The following PARD3 variants were observed in gnomAD, a reference collection of about 807,000 sequenced individuals.
PARD3 encodes par-3 family cell polarity regulator, also known as partitioning defective 3 homolog.
Under a neutral mutation model 155.4 loss-of-function variants are expected in PARD3, and 75 were observed. That is an observed-to-expected ratio of 0.48 (90% CI 0.40 to 0.58). The LOEUF (loss-of-function observed/expected upper bound fraction) is 0.58. PARD3 is among the 20% of genes least tolerant of loss of function. PARD3 has a pLI of 0.00. For missense variants in PARD3, 1,642 were observed against 1,721.7 expected (o/e 0.95, Z 0.82); for synonymous variants, 576 against 610.5 (o/e 0.94, Z 0.83).
At chr10:34,780,765 C>T (rs1840146225) in intron 1 of PARD3, among the ~76,000 whole-genome samples, 1 of 152,164 alleles carries the variant, frequency 6.6e-6, no homozygotes, top group Non-Finnish European at 1.5e-5. Context: ...CTGTTATTTT[C>T]CTATTCTGTT....
At position 34,159,698 on chromosome 10, in the gene PARD3, A is replaced by G. The variant is rs546494545; in HGVS notation, c.3420-28115T>C. On this transcript the variant is annotated intron_variant, in intron 22 of 24. Coordinates refer to ENST00000374788, the MANE Select transcript of PARD3 (RefSeq NM_001184785.2). ...TACAACAAACAAAGCTAATGTAGCT[A>G]TTTAGCACTTTCTATACATGAGGCT... Among the ~76,000 whole-genome samples the G allele has an allele frequency of 9.8e-5, 15 of 152,362 alleles. No individual in the cohort carries two copies. In the South Asian group the frequency reaches 3.1e-3, roughly 32 times the overall value.
At chr10:34,192,609 C>A (rs931263575) in intron 22 of PARD3, among the ~76,000 whole-genome samples, 5 of 152,208 alleles carry the variant, frequency 3.3e-5, no homozygotes, top group Non-Finnish European at 5.9e-5. Flanking sequence ...CTGTCCCTGG[C>A]ACAGCTGGAG....
intron 23 of PARD3, among the ~76,000 whole-genome samples, chr10:34,130,724 G>A (rs1008613646): frequency 2.0e-5 from 3 of 152,090 alleles, no homozygotes; most frequent in African/African-American, 7.2e-5. Flanking sequence ...GGAATAAGAT[G>A]GATTCAACAA....
chr10:34,432,337 T>TAC (rs71917947), intron 5 of PARD3, among the ~76,000 whole-genome samples: 7,321 of 143,398 alleles, frequency 0.051, 208 homozygotes, highest in African/African-American at 0.078. Context: ...CACGTGCACA[T>TAC]ACACACACAC....
chr10:34,451,529 A>G (rs903949138), intron 4 of PARD3, among the ~76,000 whole-genome samples: 1 of 152,164 alleles, frequency 6.6e-6, no homozygotes, highest in Non-Finnish European at 1.5e-5. Context: ...GCAATGTATA[A>G]AACTTAGTTA....
intron 4 of PARD3, among the ~76,000 whole-genome samples, chr10:34,453,271 GA>G (rs1484346117): frequency 6.6e-6 from 1 of 152,178 alleles, no homozygotes; most frequent in Non-Finnish European, 1.5e-5. Flanking sequence ...TATTTTCTAA[GA>G]AGCATTCCCT....
chr10:34,465,496 T>G (rs1478046665), intron 4 of PARD3, among the ~76,000 whole-genome samples: 1 of 152,180 alleles, frequency 6.6e-6, no homozygotes, highest in Admixed American at 6.5e-5. Flanking sequence ...ATTGGAAAGA[T>G]AGCAAACATG....
chr10:34,791,056 G>A (rs1841558895), intron 1 of PARD3, among the ~76,000 whole-genome samples: 1 of 152,150 alleles, frequency 6.6e-6, no homozygotes, highest in Admixed American at 6.5e-5. Flanking sequence ...GACAAGTGCA[G>A]CCCAACTGTA....
chr10:34,562,771 T>A (rs78087967), intron 2 of PARD3, among the ~76,000 whole-genome samples: 5 of 152,080 alleles, frequency 3.3e-5, no homozygotes, highest in South Asian at 4.1e-4. Flanking sequence ...TTTTTTTTTT[T>A]AATTCTAAGT....
chr10:34,647,578 T>C (rs1324130370), intron 2 of PARD3, among the ~76,000 whole-genome samples: 1 of 152,242 alleles, frequency 6.6e-6, no homozygotes, highest in East Asian at 1.9e-4. Context: ...TTCTAGTTTT[T>C]CTCTTTTAAG....
At chr10:34,683,469 G>C (rs1487982019) in intron 2 of PARD3, among the ~76,000 whole-genome samples, 2 of 151,002 alleles carry the variant, frequency 1.3e-5, no homozygotes, top group Non-Finnish European at 2.9e-5. Flanking sequence ...TGAGGTAAGA[G>C]AAGTCAAGTA....
At chr10:34,414,888 C>T (rs1374556225) in intron 5 of PARD3, among the ~76,000 whole-genome samples, 2 of 151,916 alleles carry the variant, frequency 1.3e-5, no homozygotes, top group African/African-American at 4.8e-5. Context: ...CTGAAAAGAC[C>T]TCCCAAGTGC....
rs1163917210 is a variant in PARD3 at position 34,341,832 on chromosome 10, A to C, written c.2219-16T>G. The C allele has an allele frequency of 1.3e-6, 2 of 1,517,852 alleles. No homozygotes were observed. The highest frequency in any genetic ancestry group is 1.8e-6 in the Non-Finnish European group (2 of 1,112,216). The allele number at this position is 1,517,852 out of a possible 1,614,324, so 94.0% of individuals were successfully genotyped here. On this transcript the variant is annotated splice_polypyrimidine_tract_variant and intron_variant, in intron 15 of 24. Coordinates refer to ENST00000374788, the MANE Select transcript of PARD3 (RefSeq NM_001184785.2). ...TGGTATTTACCTGTCCAGTGAAAAA[A>C]GAAGAAGAGAAAATTCTAGACATCG...
intron 1 of PARD3, among the ~76,000 whole-genome samples, chr10:34,768,380 C>G (rs567329043): frequency 1.3e-5 from 2 of 151,728 alleles, no homozygotes; most frequent in Non-Finnish European, 2.9e-5. Flanking sequence ...CGGGACAACT[C>G]GAAGCAAAGG....
intron 3 of PARD3, among the ~76,000 whole-genome samples, chr10:34,508,799 G>A (rs1564791944): frequency 6.6e-6 from 1 of 152,256 alleles, no homozygotes; most frequent in South Asian, 2.1e-4. Context: ...GCTGAGTAAC[G>A]TCTCAACCTC....
rs1231110054 is a variant in PARD3, at chr10:34,382,725, G to A, written c.1214C>T (p.Ala405Val). 2 of 1,614,178 alleles carry A rather than the reference G, an allele frequency of 1.2e-6. No homozygotes were observed. The highest frequency in any genetic ancestry group is 1.1e-5 in the South Asian group (1 of 91,078). ...CTCAGGCGGGTGGTTCAGTCGGGGTGCTCTCTGCACCGTGTGAAGCCCTGC... is the reference window on the plus strand; with the variant it reads ...CTCAGGCGGGTGGTTCAGTCGGGGTACTCTCTGCACCGTGTGAAGCCCTGC... ...NSAGLHTVQR[A>V]PRLNHPPEQI... The change falls in exon 9 of 25, where the codon GCA becomes GTA. Residue 405 changes from alanine to valine, a missense_variant. This residue lies in a region of PARD3 where 1,529 missense variants were observed against 1,587.3 expected (regional missense o/e 0.96). Transcript: ENST00000374788.
chr10:34,407,360 C>T (rs1458717314), intron 5 of PARD3, among the ~76,000 whole-genome samples: 1 of 152,096 alleles, frequency 6.6e-6, no homozygotes, highest in South Asian at 2.1e-4. Flanking sequence ...AGTGTGCACC[C>T]AGCAGTCCTC....
Position 34,238,956 on chromosome 10 carries a change from CT to C in PARD3, c.3419+30700del, listed in dbSNP as rs199906700. ...TAACACTGACATATTTTATTTTAAA[CT>C]TTTTTTTCTTCCTCATGCCACCAGT... On this transcript the variant is annotated intron_variant, in intron 22 of 24. Coordinates refer to ENST00000374788, the MANE Select transcript of PARD3 (RefSeq NM_001184785.2). 7.3e-3 allele frequency among the ~76,000 whole-genome samples: 1,112 copies of C among 152,152 alleles called. 13 individuals carry two copies. Among genetic ancestry groups the C allele is most frequent in the African/African-American group, 0.025 (1,021 of 41,514 alleles).
chr10:34,536,880 A>C (rs1368863048), intron 2 of PARD3, among the ~76,000 whole-genome samples: 1 of 152,246 alleles, frequency 6.6e-6, no homozygotes, highest in Non-Finnish European at 1.5e-5. Flanking sequence ...ATTCATGACC[A>C]AAAGACTGAA....
Sources: gnomAD v4.1 joint callset for allele counts (sites outside exome capture counted in the v4.1 genomes callset) on GRCh38, gnomAD v4.1.1 for gene constraint, gnomAD v4.1.1 regional missense constraint, MANE v1.5 for transcripts, NCBI Gene and HGNC (gene_info 2026-07-23, HGNC 2026-07-21) for gene names.